Variants in KITLG observed in about 807,000 individuals in gnomAD.
KITLG encodes the protein KIT ligand, also known as c-Kit ligand.
In KITLG, 13 loss-of-function variants were observed where a neutral mutation model predicts 34.1. That is an observed-to-expected ratio of 0.38 (90% CI 0.25 to 0.61). KITLG has a LOEUF of 0.61. Ranked by LOEUF, KITLG falls within the 20% of genes least tolerant of loss-of-function variation. The pLI is 0.60. For synonymous variants in KITLG, 110 were observed against 104.0 expected (o/e 1.06, Z -0.35); for missense variants, 292 against 318.9 (o/e 0.92, Z 0.64).
At chr12:88,573,183 TC>T (rs1212517203) in intron 1 of KITLG, among the ~76,000 whole-genome samples, 1 of 152,152 alleles carries the variant, frequency 6.6e-6, no homozygotes, top group Non-Finnish European at 1.5e-5. Context: ...TTACCACTCC[TC>T]CATCTAGAGT....
chr12:88,545,753 A>G lies in KITLG; in HGVS notation c.128T>C (p.Leu43Ser). 6.4e-7 allele frequency: 1 copy of G among 1,551,206 alleles called. No homozygotes were observed. The highest frequency in any genetic ancestry group is 8.9e-7 in the Non-Finnish European group (1 of 1,123,138). Residue 43 changes from leucine (L) to serine (S), a missense_variant and splice_region_variant, in exon 2 of 10, where the codon TTG becomes TCG. Coordinates refer to ENST00000644744, the MANE Select transcript of KITLG (RefSeq NM_000899.5). ...CACGGTAAAGCATTCCTTACTTACC[A>G]ATTTAGTGACGTCTTTTACATTATT... ...VTNNVKDVTK[L>S]VANLPKDYMI...
Position 88,548,181 on chromosome 12 carries a change from C to G in KITLG, c.16-2316G>C, listed in dbSNP as rs1030888822. Among the ~76,000 whole-genome samples the G allele has an allele frequency of 2.0e-5, 3 of 152,074 alleles. No individual in the cohort carries two copies. The South Asian group carries it at 6.2e-4, about 31-fold the overall frequency. ...TTTAAGAAAGGTTAGGTTGGCCGGG[C>G]GTGGTGGCTCATGCCTGTAATCCCA... On this transcript the variant is annotated intron_variant, in intron 1 of 9. Coordinates refer to ENST00000644744, the MANE Select transcript of KITLG (RefSeq NM_000899.5).
chr12:88,499,050 C>A (rs1868754194), intron 9 of KITLG, among the ~76,000 whole-genome samples: 1 of 152,092 alleles, frequency 6.6e-6, no homozygotes, highest in Non-Finnish European at 1.5e-5. Context: ...TGGGTTCTTG[C>A]AAGAACCCTT....
At chr12:88,554,751 T>C (rs563549315) in intron 1 of KITLG, among the ~76,000 whole-genome samples, 1 of 152,350 alleles carries the variant, frequency 6.6e-6, no homozygotes, top group South Asian at 2.1e-4. Context: ...TTTTAATTGC[T>C]TAAAAATTTA....
intron 3 of KITLG, among the ~76,000 whole-genome samples, chr12:88,521,668 T>C (rs2120851460): frequency 6.6e-6 from 1 of 152,296 alleles, no homozygotes; most frequent in South Asian, 2.1e-4. Flanking sequence ...GTGACACAAA[T>C]GATTGCTTTT....
chr12:88,553,591 C>T (rs974491484), intron 1 of KITLG, among the ~76,000 whole-genome samples: 1 of 152,164 alleles, frequency 6.6e-6, no homozygotes, highest in Non-Finnish European at 1.5e-5. Flanking sequence ...AGACACATAT[C>T]GTCCTGGGTA....
chr12:88,514,716 A>G (rs774736505), intron 6 of KITLG, among the ~76,000 whole-genome samples: 20 of 151,706 alleles, frequency 1.3e-4, no homozygotes, highest in Non-Finnish European at 2.2e-4. Context: ...GTTTTTTTAA[A>G]TGTTCTGCAT....
intron 2 of KITLG, among the ~76,000 whole-genome samples, chr12:88,538,085 G>A (rs1164962378): frequency 6.6e-6 from 1 of 152,080 alleles, no homozygotes; most frequent in African/African-American, 2.4e-5. Context: ...AAAATACTAA[G>A]TGCTTAGTTA....
In KITLG at chr12:88,495,404, CT is replaced by C. The variant is rs1868597889; in HGVS notation, c.*1814del. 6.6e-6 allele frequency: 1 copy of C among 152,280 alleles called. No individual in the cohort carries two copies. The highest frequency in any genetic ancestry group is 1.5e-5 in the Non-Finnish European group (1 of 67,988). The allele number at this position is 152,280 out of a possible 1,614,324, so 9.4% of individuals were successfully genotyped here. On this transcript the variant is annotated 3_prime_UTR_variant, in exon 10 of 10. Coordinates refer to ENST00000644744, the MANE Select transcript of KITLG (RefSeq NM_000899.5). ...GGACCTATCAGCAATTTAAATTGAT[CT>C]CTGGTTTTATTACTAATCAAGTGTA...
At chr12:88,556,837 GA>G (rs376899984) in intron 1 of KITLG, among the ~76,000 whole-genome samples, 5 of 151,652 alleles carry the variant, frequency 3.3e-5, no homozygotes, top group Admixed American at 2.6e-4. Context: ...GCAGCCAATG[GA>G]AAAAAAATAC....
intron 2 of KITLG, among the ~76,000 whole-genome samples, chr12:88,542,817 G>A (rs1870569718): frequency 6.6e-6 from 1 of 152,048 alleles, no homozygotes; most frequent in Non-Finnish European, 1.5e-5. Flanking sequence ...ATAAGTCCCT[G>A]AGAGACTGTG....
At chr12:88,534,796 A>G (rs1870247000) in intron 2 of KITLG, 3 of 416,054 alleles carry the variant, frequency 7.2e-6, no homozygotes, top group Admixed American at 6.7e-5. Context: ...CCAAGCTTCC[A>G]TAATTTCTTT....
At chr12:88,513,843 A>G (rs575475704) in intron 6 of KITLG, among the ~76,000 whole-genome samples, 11 of 151,788 alleles carry the variant, frequency 7.2e-5, no homozygotes, top group African/African-American at 2.6e-4. Context: ...CCCTTTTCTC[A>G]ATAATTAATA....
In KITLG at chr12:88,505,210, ACTCTCT is replaced by A. The variant is rs760961616; in HGVS notation, c.802_807del (p.Arg268_Glu269del). 5 of 1,610,264 alleles carry A rather than the reference ACTCTCT, an allele frequency of 3.1e-6. No homozygotes were observed. The highest frequency in any genetic ancestry group is 4.2e-6 in the Non-Finnish European group (5 of 1,176,918). Reference sequence around the variant, plus strand: ...ACAAGCCACAATTACACTTCTTGAAACTCTCTCTCTTTCTCTTGCAACATACTGAAA... The same window carrying A: ...ACAAGCCACAATTACACTTCTTGAAACTCTTTCTCTTGCAACATACTGAAA... On this transcript the variant is annotated inframe_deletion, in exon 9 of 10. Transcript: ENST00000644744.
intron 3 of KITLG, among the ~76,000 whole-genome samples, chr12:88,519,493 CAA>C (rs1323773559): frequency 4.6e-5 from 7 of 151,948 alleles, no homozygotes; most frequent in Non-Finnish European, 1.0e-4. Flanking sequence ...CAACTTGTAA[CAA>C]AAATATTGTA....
chr12:88,519,416 G>C (rs1387407259), intron 3 of KITLG, among the ~76,000 whole-genome samples: 1 of 152,036 alleles, frequency 6.6e-6, no homozygotes, highest in South Asian at 2.1e-4. Context: ...ATGCTGCAGT[G>C]ACAAAAATAA....
chr12:88,562,176 A>G (rs2120957398), intron 1 of KITLG, among the ~76,000 whole-genome samples: 1 of 152,322 alleles, frequency 6.6e-6, no homozygotes, highest in South Asian at 2.1e-4. Context: ...TGTGGATTGT[A>G]TGTATTGCTA....
At chr12:88,534,646 C>T (rs1364891803) in intron 2 of KITLG, 2 of 507,416 alleles carry the variant, frequency 3.9e-6, no homozygotes, top group South Asian at 1.4e-5. Context: ...GGATTACAGT[C>T]ATGAGCCACC....
intron 3 of KITLG, among the ~76,000 whole-genome samples, chr12:88,519,355 T>G (rs1869576541): frequency 6.6e-6 from 1 of 152,124 alleles, no homozygotes; most frequent in East Asian, 1.9e-4. Context: ...ATCTTTTCTC[T>G]TATAAAGATC....
Sources: allele counts gnomAD v4.1 joint callset (sites outside exome capture counted in the v4.1 genomes callset), GRCh38; gene constraint gnomAD v4.1.1; transcripts MANE v1.5; gene names NCBI Gene and HGNC (gene_info 2026-07-23, HGNC 2026-07-21).